The following RBMS2 variants were observed in gnomAD, a reference collection of about 807,000 sequenced individuals.
The protein encoded by RBMS2 is RNA binding motif single stranded interacting protein 2.
RBMS2 carries 38 observed loss-of-function variants against 58.4 expected under a neutral mutation model. The observed-to-expected ratio is 0.65, with a 90% confidence interval of 0.50 to 0.85. The LOEUF is 0.85. RBMS2 is among the 40% of genes least tolerant of loss of function. The pLI is 0.00. For missense variants in RBMS2, 367 were observed against 503.7 expected (o/e 0.73, Z 2.60); for synonymous variants, 151 against 180.7 (o/e 0.84, Z 1.32).
intron 9 of RBMS2, among the ~76,000 whole-genome samples, chr12:56,586,648 T>A (rs1884714698): frequency 6.6e-6 from 1 of 152,080 alleles, no homozygotes; most frequent in Non-Finnish European, 1.5e-5. Flanking sequence ...TCACTATAAT[T>A]TTGAACTCCT....
At chr12:56,568,581 A>G (rs945674383) in intron 2 of RBMS2, among the ~76,000 whole-genome samples, 1 of 149,994 alleles carries the variant, frequency 6.7e-6, no homozygotes, top group African/African-American at 2.5e-5. Context: ...CTGTCATCCA[A>G]TCTGGAATGC....
rs1885283829 is a variant in RBMS2 at position 56,591,241 on chromosome 12, G to A, written c.*2108G>A. On this transcript the variant is annotated 3_prime_UTR_variant, in exon 14 of 14. Transcript: ENST00000262031. ...ATTAGGCTGGCCATAGGGAGAGGAA[G>A]GGGGTGACAGCAGGGGAAAAGAAAC... 6.6e-6 allele frequency: 1 copy of A among 152,150 alleles called. No homozygotes were observed. Among genetic ancestry groups the A allele is most frequent in the South Asian group, 2.1e-4 (1 of 4,828 alleles). The allele number at this position is 152,150 out of a possible 1,614,324, so 9.4% of individuals were successfully genotyped here. A position where few individuals can be genotyped will look rare whatever the true frequency, so the allele number is the denominator to read the frequency against.
intron 1 of RBMS2, among the ~76,000 whole-genome samples, chr12:56,549,350 G>C (rs1422465763): frequency 6.6e-6 from 1 of 151,924 alleles, no homozygotes; most frequent in Non-Finnish European, 1.5e-5. Context: ...ATAATTACAA[G>C]TAGCTCGTCT....
intron 1 of RBMS2, among the ~76,000 whole-genome samples, chr12:56,559,394 G>A (rs1879928667): frequency 6.6e-6 from 1 of 151,120 alleles, no homozygotes; most frequent in African/African-American, 2.4e-5. Context: ...CACCGTGTTA[G>A]CCAGGATGGT....
Position 56,547,396 on chromosome 12 carries a change from A to G in RBMS2, c.67-15021A>G, listed in dbSNP as rs565761475. On this transcript the variant is annotated intron_variant, in intron 1 of 13. Transcript: ENST00000262031. ...AAAAAGTTTATTGTTCTGGCTGGGT[A>G]TGGTGGCTCATGCCTGTAATCCCAG... Among the ~76,000 whole-genome samples, 62 of 150,916 alleles carry G rather than the reference A, an allele frequency of 4.1e-4. 1 individual carries two copies. The highest frequency in any genetic ancestry group is 3.0e-3 in the Admixed American group (45 of 15,144).
At chr12:56,578,932 C>G (rs775635037) in intron 5 of RBMS2, among the ~76,000 whole-genome samples, 7 of 152,076 alleles carry the variant, frequency 4.6e-5, no homozygotes, top group Non-Finnish European at 7.4e-5. Flanking sequence ...CCACTGTACT[C>G]CAGCCTGGGC....
chr12:56,579,799 T>C (rs1455281596), intron 5 of RBMS2, among the ~76,000 whole-genome samples: 2 of 152,322 alleles, frequency 1.3e-5, no homozygotes, highest in East Asian at 3.9e-4. Flanking sequence ...TATAGTCCCT[T>C]ATAATTTGTA....
At chr12:56,571,916 C>G in intron 5 of RBMS2, 61 bp downstream of exon 5, 1 of 1,354,662 alleles carries the variant, frequency 7.4e-7, no homozygotes, top group Non-Finnish European at 9.7e-7. Flanking sequence ...TGGGGGTCAC[C>G]AGAAAACAAA....
chr12:56,587,052 G>A, intron 10 of RBMS2, 126 bp downstream of exon 10: 2 of 969,838 alleles, frequency 2.1e-6, no homozygotes, highest in East Asian at 2.6e-5. Flanking sequence ...AATCACCTGA[G>A]GTCAGGAGTT....
intron 9 of RBMS2, among the ~76,000 whole-genome samples, chr12:56,585,153 C>A (rs1463594059): frequency 6.6e-6 from 1 of 152,056 alleles, no homozygotes; most frequent in Non-Finnish European, 1.5e-5. Flanking sequence ...AAAAAGTATT[C>A]TCTGTCTCTA....
At chr12:56,540,864 G>A (rs954601443) in intron 1 of RBMS2, among the ~76,000 whole-genome samples, 2 of 152,144 alleles carry the variant, frequency 1.3e-5, no homozygotes, top group African/African-American at 4.8e-5. Flanking sequence ...ACTTTGGGAG[G>A]TCAAGGCAGG....
intron 5 of RBMS2, among the ~76,000 whole-genome samples, chr12:56,572,117 C>T (rs1050961760): frequency 2.0e-5 from 3 of 151,718 alleles, no homozygotes; most frequent in South Asian, 2.1e-4. Context: ...GGTGAAACCC[C>T]GTCTCTACTA....
In RBMS2 at chr12:56,580,125, G is replaced by T. The variant is rs1235558363; in HGVS notation, c.543-1059G>T. 2.0e-5 allele frequency among the ~76,000 whole-genome samples: 3 copies of T among 151,296 alleles called. No homozygotes were observed. The East Asian group carries it at 5.8e-4, about 29-fold the overall frequency. ...TTTTTGTATTTTTAGTAGAGACGGGGTTTCACCATGTTGGCCAGGATGGTC... is the reference window on the plus strand; with the variant it reads ...TTTTTGTATTTTTAGTAGAGACGGGTTTTCACCATGTTGGCCAGGATGGTC... On this transcript the variant is annotated intron_variant, in intron 5 of 13. Transcript: ENST00000262031.
At position 56,568,619 on chromosome 12, in the gene RBMS2, C is replaced by T. The variant is rs539588319; in HGVS notation, c.234-356C>T. Reference sequence around the variant, plus strand: ...TGGTGCCATCTTGGCTCACTGCAACCTCCACCTCACAGGTTCAAGCAATTC... The same window carrying T: ...TGGTGCCATCTTGGCTCACTGCAACTTCCACCTCACAGGTTCAAGCAATTC... On this transcript the variant is annotated intron_variant, in intron 2 of 13. Coordinates refer to ENST00000262031, the MANE Select transcript of RBMS2 (RefSeq NM_002898.4). 2.6e-5 allele frequency among the ~76,000 whole-genome samples: 4 copies of T among 151,670 alleles called. No homozygotes were observed. In the East Asian group the frequency reaches 7.7e-4, roughly 29 times the overall value.
chr12:56,534,345 T>G (rs911107282), intron 1 of RBMS2, among the ~76,000 whole-genome samples: 4 of 152,220 alleles, frequency 2.6e-5, no homozygotes, highest in African/African-American at 9.6e-5. Flanking sequence ...TATAGTATCC[T>G]TGTGCTAGAG....
At chr12:56,586,820 A>G (rs2136594883) in intron 9 of RBMS2, 29 bp from the exon 10 acceptor site, 1 of 1,572,914 alleles carries the variant, frequency 6.4e-7, no homozygotes, top group East Asian at 2.2e-5. Context: ...TTTCCAGGCA[A>G]TTAACATTTT....
At chr12:56,564,579 G>A (rs1307190571) in intron 2 of RBMS2, among the ~76,000 whole-genome samples, 1 of 152,150 alleles carries the variant, frequency 6.6e-6, no homozygotes, top group Non-Finnish European at 1.5e-5. Context: ...GCCCAGGCTG[G>A]TCTCAAACTT....
Position 56,562,475 on chromosome 12 carries a change from A to C in RBMS2, c.125A>C (p.Asn42Thr). 1 of 1,607,354 alleles carries C rather than the reference A, an allele frequency of 6.2e-7. No individual in the cohort carries two copies. The highest frequency in any genetic ancestry group is 8.5e-7 in the Non-Finnish European group (1 of 1,173,764). Residue 42 changes from asparagine (N) to threonine (T), a missense_variant, in exon 2 of 14, where the codon AAC (asparagine) becomes ACC (threonine). By Grantham distance (65) the Asn-to-Thr change is moderately conservative. Transcript: ENST00000262031. The part of the protein sequence containing the change: ...APPSPSNSTP[N>T]SSSGSNGNDQ... ...CCTAGCCCAAGCAACAGTACACCTA[A>C]CAGCAGTAGTGGAAGCAATGGAAAT...
At chr12:56,576,447 G>A (rs1008075204) in intron 5 of RBMS2, among the ~76,000 whole-genome samples, 2 of 152,090 alleles carry the variant, frequency 1.3e-5, no homozygotes, top group African/African-American at 2.4e-5. Flanking sequence ...TAGCCATTGT[G>A]GCCATCAGAT....
Sources: gnomAD v4.1 joint callset for allele counts (sites outside exome capture counted in the v4.1 genomes callset) on GRCh38, gnomAD v4.1.1 for gene constraint, MANE v1.5 for transcripts, NCBI Gene and HGNC (gene_info 2026-07-23, HGNC 2026-07-21) for gene names.